Variants in NEMP1 observed in about 807,000 individuals in gnomAD.
NEMP1 encodes nuclear envelope integral membrane protein 1.
A neutral mutation model predicts 53.7 loss-of-function variants in NEMP1; 29 were observed. That is an observed-to-expected ratio of 0.54 (90% confidence interval 0.40 to 0.74). The LOEUF (loss-of-function observed/expected upper bound fraction) is 0.74. Among genes scored for constraint, NEMP1 ranks in the 30% least tolerant of loss-of-function variants. The pLI, the probability that NEMP1 is intolerant of heterozygous loss-of-function variation, is 0.00. For missense variants in NEMP1, 477 were observed against 528.6 expected (o/e 0.90, Z 0.96); for synonymous variants, 193 against 192.9 (o/e 1.00, Z 0.00).
intron 7 of NEMP1, among the ~76,000 whole-genome samples, chr12:57,061,693 C>CAA (rs35332826): frequency 0.036 from 3,201 of 89,432 alleles, 75 homozygotes; most frequent in African/African-American, 0.082. Flanking sequence ...AACTCCATCT[C>CAA]AAAAAAAAAA....
chr12:57,078,526 G>C, intron 1 of NEMP1, 93 bp downstream of exon 1: 1 of 1,481,938 alleles, frequency 6.7e-7, no homozygotes. Flanking sequence ...CCGCCCTTCT[G>C]CAGAGTAACG....
At chr12:57,077,254 C>G (rs531845909) in intron 1 of NEMP1, among the ~76,000 whole-genome samples, 1 of 150,606 alleles carries the variant, frequency 6.6e-6, no homozygotes, top group Admixed American at 6.6e-5. Flanking sequence ...ATGGCGTGAA[C>G]CTGGGAGGCG....
Position 57,059,614 on chromosome 12 carries a change from C to T in NEMP1, c.*265G>A. 1 of 329,414 alleles carries T rather than the reference C, an allele frequency of 3.0e-6. No homozygotes were observed. The allele number at this position is 329,414 out of a possible 1,614,324, so 20.4% of individuals were successfully genotyped here. On this transcript the variant is annotated 3_prime_UTR_variant, in exon 9 of 9. Coordinates refer to ENST00000300128, the MANE Select transcript of NEMP1 (RefSeq NM_001130963.2). ...CATGCTAGCTGTGGCCATCCAATTT[C>T]TCTGGAAACATAAAAGTGGGCTGTT...
At chr12:57,061,873 C>G (rs1364895973) in intron 7 of NEMP1, among the ~76,000 whole-genome samples, 1 of 151,764 alleles carries the variant, frequency 6.6e-6, no homozygotes, top group Non-Finnish European at 1.5e-5. Context: ...GTGGCATGTA[C>G]CTGTAACCCC....
intron 6 of NEMP1, 97 bp downstream of exon 6, chr12:57,063,974 C>A: frequency 1.5e-6 from 1 of 664,040 alleles, no homozygotes; most frequent in Non-Finnish European, 2.5e-6. Flanking sequence ...ATGACATGAA[C>A]TATTAAATCC....
intron 2 of NEMP1, among the ~76,000 whole-genome samples, chr12:57,071,980 G>A (rs2032371214): frequency 6.6e-6 from 1 of 152,222 alleles, no homozygotes; most frequent in African/African-American, 2.4e-5. Flanking sequence ...TTTGCCAGGT[G>A]ACTTAACAGT....
At chr12:57,067,585 T>C (rs1353571299) in intron 4 of NEMP1, among the ~76,000 whole-genome samples, 4 of 152,174 alleles carry the variant, frequency 2.6e-5, no homozygotes, top group Non-Finnish European at 5.9e-5. Flanking sequence ...AAATGCACTA[T>C]CTGTGAACCA....
At position 57,064,273 on chromosome 12, in the gene NEMP1, T is replaced by A. The variant is rs192954300; in HGVS notation, c.640-88A>T. 4,385 of 785,352 alleles carry A rather than the reference T, an allele frequency of 5.6e-3. 82 individuals carry two copies. The African/African-American group carries it at 0.056, about 10-fold the overall frequency. 48.6% of individuals were successfully genotyped at this position (785,352 alleles called of 1,614,324 possible). On this transcript the variant is annotated intron_variant, in intron 5 of 8. Transcript: ENST00000300128. ...CAAAATGGAACTATGATTTTTTTTTTAAAAAATTCAACCTACTCAAAATGC... is the reference window on the plus strand; with the variant it reads ...CAAAATGGAACTATGATTTTTTTTTAAAAAAATTCAACCTACTCAAAATGC...
chr12:57,082,825 A>G (rs2032885363), upstream of NEMP1, among the ~76,000 whole-genome samples: 1 of 152,070 alleles, frequency 6.6e-6, no homozygotes, highest in South Asian at 2.1e-4. Context: ...CAGCCTGGGC[A>G]ACATAGTGAA....
chr12:57,078,976 C>T (rs2032762539), upstream of NEMP1, among the ~76,000 whole-genome samples: 1 of 152,224 alleles, frequency 6.6e-6, no homozygotes, highest in African/African-American at 2.4e-5. Context: ...CTCACCCTAG[C>T]AGTGGCGACA....
chr12:57,069,218 T>C lies in NEMP1; in HGVS notation c.545+16A>G. ...GTATGAGCCGTTTCATTCTGCACAC[T>C]AGCCTTGGAACCTACCTGCTCAGCA... On this transcript the variant is annotated intron_variant, in intron 4 of 8. Transcript: ENST00000300128. 1 of 1,530,062 alleles carries C rather than the reference T, an allele frequency of 6.5e-7. No homozygotes were observed. The highest frequency in any genetic ancestry group is 8.8e-7 in the Non-Finnish European group (1 of 1,136,202). The allele number at this position is 1,530,062 out of a possible 1,614,324, so 94.8% of individuals were successfully genotyped here.
chr12:57,079,977 T>C (rs1235082566), upstream of NEMP1, among the ~76,000 whole-genome samples: 3 of 152,094 alleles, frequency 2.0e-5, no homozygotes, highest in Non-Finnish European at 2.9e-5. Context: ...GTTGTTGTTA[T>C]TGAGACAAGG....
Position 57,056,302 on chromosome 12 carries a change from T to C in NEMP1, c.*3577A>G, listed in dbSNP as rs902541493. On this transcript the variant is annotated 3_prime_UTR_variant, in exon 9 of 9. Coordinates refer to ENST00000300128, the MANE Select transcript of NEMP1 (RefSeq NM_001130963.2). The stretch of plus-strand genomic sequence containing the variant: ...AGCTTAAGTCACCAAAAGACATCAC[T>C]GGGTCATAATTATATAGGTTCCCCT... The C allele has an allele frequency of 6.6e-6, 1 of 152,110 alleles. No individual in the cohort carries two copies. The highest frequency in any genetic ancestry group is 1.5e-5 in the Non-Finnish European group (1 of 68,010). 9.4% of individuals were successfully genotyped at this position (152,110 alleles called of 1,614,324 possible).
chr12:57,068,912 T>C (rs955292059), intron 4 of NEMP1, among the ~76,000 whole-genome samples: 8 of 152,118 alleles, frequency 5.3e-5, no homozygotes, highest in Admixed American at 5.2e-4. Flanking sequence ...CATCAACCCA[T>C]GGACCTGTAA....
At chr12:57,087,989 TG>T (rs2033065791) in exon 1 of NEMP1, 1 of 151,906 alleles carries the variant, frequency 6.6e-6, no homozygotes, top group Admixed American at 6.6e-5. Context: ...GAGACGGTGG[TG>T]GGTTGCAGAG....
chr12:57,079,931 C>G (rs2032794087), upstream of NEMP1, among the ~76,000 whole-genome samples: 1 of 152,038 alleles, frequency 6.6e-6, no homozygotes, highest in East Asian at 1.9e-4. Context: ...CCACCATGCC[C>G]AGCTATTTGT....
chr12:57,078,877 A>T, upstream of NEMP1: 3 of 1,014,590 alleles, frequency 3.0e-6, no homozygotes, highest in Admixed American at 4.9e-5. Flanking sequence ...TCGAGCACCC[A>T]GCCCTCCAAG....
chr12:57,060,914 G>T lies in NEMP1; in HGVS notation c.1012C>A (p.Pro338Thr). The change falls in exon 8 of 9, where the codon CCC (proline) becomes ACC (threonine). Residue 338 changes from proline (P) to threonine (T), a missense_variant. Pro to Thr is a conservative substitution (Grantham distance 38, BLOSUM62 -1). Transcript: ENST00000300128. ...TCTTCTTCTGTCAGGAGACGAGGGG[G>T]AACAGGCTTTTCTGCTCCCTTACAC... The part of the protein sequence containing the change: ...KVCKGAEKPV[P>T]PRLLTEEEYR... 6.8e-6 allele frequency: 11 copies of T among 1,614,042 alleles called. No homozygotes were observed. Among genetic ancestry groups the T allele is most frequent in the Non-Finnish European group, 8.5e-6 (10 of 1,179,990 alleles).
intron 1 of NEMP1, among the ~76,000 whole-genome samples, chr12:57,077,767 T>C (rs1240549334): frequency 6.6e-6 from 1 of 152,132 alleles, no homozygotes; most frequent in Non-Finnish European, 1.5e-5. Context: ...TAATTGTACC[T>C]TGCCAAATCA....
Sources: gnomAD v4.1 joint callset for allele counts (sites outside exome capture counted in the v4.1 genomes callset) on GRCh38, gnomAD v4.1.1 for gene constraint, MANE v1.5 for transcripts, NCBI Gene and HGNC (gene_info 2026-07-23, HGNC 2026-07-21) for gene names.